The following RBPJL variants were observed in gnomAD, a reference collection of about 807,000 sequenced individuals.
The protein encoded by RBPJL is recombining binding protein suppressor of hairless-like protein.
A neutral mutation model predicts 57.6 loss-of-function variants in RBPJL; 50 were observed. That is an observed-to-expected ratio of 0.87 (90% confidence interval 0.69 to 1.10). The LOEUF (loss-of-function observed/expected upper bound fraction) is 1.10, where lower values mean the gene tolerates loss of function less well. Ranked by LOEUF, RBPJL falls within the 50% of genes least tolerant of loss-of-function variation. The pLI, the probability that RBPJL is intolerant of heterozygous loss-of-function variation, is 0.00. For missense variants in RBPJL, 684 were observed against 693.7 expected (o/e 0.99, Z 0.16); for synonymous variants, 303 against 294.4 (o/e 1.03, Z -0.30).
Position 45,316,280 on chromosome 20 carries a change from A to G in RBPJL, c.1114A>G (p.Ser372Gly). 6.2e-7 allele frequency: 1 copy of G among 1,614,234 alleles called. No individual in the cohort carries two copies. The highest frequency in any genetic ancestry group is 1.1e-5 in the South Asian group (1 of 91,090). The change falls in exon 10 of 12, where the codon AGC becomes GGC. Residue 372 changes from serine to glycine, a missense_variant. Transcript: ENST00000343694. ...IGTESVEFSF[S>G]TSLACTLEPV... The stretch of plus-strand genomic sequence containing the variant: ...CACCGAGTCGGTGGAATTTTCCTTC[A>G]GCACCAGCCTGGCGTGTACCCTGGA...
chr20:45,309,991 C>T (rs1404218312), intron 3 of RBPJL, among the ~76,000 whole-genome samples: 2 of 152,206 alleles, frequency 1.3e-5, no homozygotes, highest in Non-Finnish European at 2.9e-5. Flanking sequence ...GCACCAGGCT[C>T]TGTGGGTACT....
At chr20:45,309,202 C>T (rs1251745492) in intron 2 of RBPJL, among the ~76,000 whole-genome samples, 2 of 152,114 alleles carry the variant, frequency 1.3e-5, no homozygotes, top group Non-Finnish European at 2.9e-5. Context: ...AAATACTCTT[C>T]TCCATCCCAA....
At chr20:45,312,579 A>G (rs1454295333) in intron 6 of RBPJL, among the ~76,000 whole-genome samples, 184 bp downstream of exon 6, 2 of 152,124 alleles carry the variant, frequency 1.3e-5, no homozygotes, top group Non-Finnish European at 2.9e-5. Context: ...GGGGATGAGA[A>G]GAGTTGGAGG....
intron 8 of RBPJL, 64 bp from the exon 9 acceptor site, chr20:45,314,349 G>C: frequency 6.4e-7 from 1 of 1,563,914 alleles, no homozygotes; most frequent in Non-Finnish European, 8.8e-7. Context: ...CAGCCGGCTA[G>C]GAGGGCAGCC....
At chr20:45,313,998 G>T (rs183928374) in intron 7 of RBPJL, 37 bp from the exon 8 acceptor site, 1 of 1,462,428 alleles carries the variant, frequency 6.8e-7, no homozygotes, top group South Asian at 1.1e-5. Flanking sequence ...CTTGGGGGCC[G>T]CTGAAAACCT....
chr20:45,314,245 G>A, intron 8 of RBPJL, 101 bp downstream of exon 8: 1 of 1,261,480 alleles, frequency 7.9e-7, no homozygotes, highest in Non-Finnish European at 1.1e-6. Context: ...AAGGCATGGA[G>A]ACACCTGTTC....
intron 4 of RBPJL, 46 bp downstream of exon 4, chr20:45,311,705 G>A: frequency 6.2e-7 from 1 of 1,604,086 alleles, no homozygotes; most frequent in South Asian, 1.1e-5. Context: ...CTGTAGGGAG[G>A]ACCACGAGAT....
intron 10 of RBPJL, 49 bp from the exon 11 acceptor site, chr20:45,316,428 T>G (rs748831455): frequency 1.3e-6 from 2 of 1,568,712 alleles, no homozygotes; most frequent in Middle Eastern, 1.8e-4. Flanking sequence ...GGCAGCGGGT[T>G]CCCGCCCTAC....
At position 45,309,569 on chromosome 20, in the gene RBPJL, C is replaced by G. The variant is rs756566655; in HGVS notation, c.134C>G (p.Ser45Ter). Residue 45 changes from serine to a stop codon, truncating the protein, a stop_gained and splice_region_variant, in exon 3 of 12, where the codon TCA becomes TGA. Coordinates refer to ENST00000343694, the MANE Select transcript of RBPJL (RefSeq NM_014276.4). LOFTEE classifies it high-confidence loss of function. ...CGACCTGCCTGCCCTACTCCCAGGTCATCCCCAGAGCACACCACCATTCTG... is the reference window on the plus strand; with the variant it reads ...CGACCTGCCTGCCCTACTCCCAGGTGATCCCCAGAGCACACCACCATTCTG... The part of the protein sequence containing the change: ...RRSLPGTWTR[S>*]SPEHTTILRG... The G allele has an allele frequency of 1.2e-6, 2 of 1,606,400 alleles. No individual in the cohort carries two copies. Among genetic ancestry groups the G allele is most frequent in the Non-Finnish European group, 1.7e-6 (2 of 1,176,000 alleles).
At chr20:45,311,249 A>C (rs1272771453) in intron 3 of RBPJL, among the ~76,000 whole-genome samples, 1 of 152,164 alleles carries the variant, frequency 6.6e-6, no homozygotes, top group East Asian at 1.9e-4. Flanking sequence ...AGGAGATAGA[A>C]ACAGAACTTT....
In RBPJL at chr20:45,312,020, T is replaced by TA; in HGVS notation, c.444+66_444+67insA. 2.1e-6 allele frequency: 3 copies of TA among 1,446,082 alleles called. No homozygotes were observed. The Admixed American group carries it at 5.7e-5, about 27-fold the overall frequency. 89.6% of individuals were successfully genotyped at this position (1,446,082 alleles called of 1,614,324 possible). A position where few individuals can be genotyped will look rare whatever the true frequency, so the allele number is the denominator to read the frequency against. ...CCTGCCTCTCCTGGGAAAGGAGGGC[T>TA]CCTTTACTCCCCTCCGAAAGCCAAG... On this transcript the variant is annotated intron_variant, in intron 5 of 11. Transcript: ENST00000343694.
Position 45,311,650 on chromosome 20 carries a change from C to T in RBPJL, c.319C>T (p.Gln107Ter). Residue 107 changes from glutamine (Q) to a stop codon, truncating the protein, a stop_gained, in exon 4 of 12, where the codon CAG (glutamine) becomes TAG (stop). Coordinates refer to ENST00000343694, the MANE Select transcript of RBPJL (RefSeq NM_014276.4). LOFTEE classifies it high-confidence loss of function. ...GCCTGGCTGGAGGGTGAAGCCAGGG[C>T]AGGATCAAGGTGAGGGCGGAATCAA... ...SGPGWRVKPG[Q>*]DQAHQAGETG... 6.2e-7 allele frequency: 1 copy of T among 1,614,104 alleles called. No individual in the cohort carries two copies. The highest frequency in any genetic ancestry group is 8.5e-7 in the Non-Finnish European group (1 of 1,180,012).
At chr20:45,308,945 C>G (rs973273559) in intron 2 of RBPJL, among the ~76,000 whole-genome samples, 3 of 152,130 alleles carry the variant, frequency 2.0e-5, no homozygotes, top group Admixed American at 6.5e-5. Flanking sequence ...GCCCACACAG[C>G]AACAGGCCAC....
intron 3 of RBPJL, 117 bp from the exon 4 acceptor site, chr20:45,311,472 C>A: frequency 3.4e-6 from 3 of 872,536 alleles, no homozygotes; most frequent in Non-Finnish European, 5.5e-6. Flanking sequence ...AAAAGCGTTG[C>A]GGGGAGCGGG....
At chr20:45,309,465 C>A (rs1987025063) in intron 2 of RBPJL, 102 bp from the exon 3 acceptor site, 3 of 1,296,808 alleles carry the variant, frequency 2.3e-6, no homozygotes, top group African/African-American at 3.0e-5. Context: ...CTCACTCTAA[C>A]CCCCTGCTCA....
At position 45,308,411 on chromosome 20, in the gene RBPJL, G is replaced by T. The variant is rs111742158; in HGVS notation, c.131+160G>T. On this transcript the variant is annotated intron_variant, in intron 2 of 11. Transcript: ENST00000343694. ...GGAGGGATCCCCCCTTCCTCCTGAGGGGGGGCAAACCCAGCACCCCCTGCT... is the reference window on the plus strand; with the variant it reads ...GGAGGGATCCCCCCTTCCTCCTGAGTGGGGGCAAACCCAGCACCCCCTGCT... 1,637 of 600,850 alleles carry T rather than the reference G, an allele frequency of 2.7e-3. 19 individuals carry two copies. Among genetic ancestry groups the T allele is most frequent in the African/African-American group, 0.027 (1,443 of 54,142 alleles). The allele number at this position is 600,850 out of a possible 1,614,324, so 37.2% of individuals were successfully genotyped here. A position where few individuals can be genotyped will look rare whatever the true frequency, so the allele number is the denominator to read the frequency against.
intron 9 of RBPJL, chr20:45,315,971 AAAG>A (rs1443429204): frequency 9.9e-6 from 4 of 403,500 alleles, no homozygotes; most frequent in Admixed American, 4.3e-5. Flanking sequence ...AAGAAAGAAG[AAAG>A]AAGAAAGAAG....
rs773242322 is a variant in RBPJL, at chr20:45,311,621, C to T, written c.290C>T (p.Ser97Leu). The T allele has an allele frequency of 1.5e-5, 24 of 1,614,204 alleles. No homozygotes were observed. The highest frequency in any genetic ancestry group is 3.3e-4 in the Middle Eastern group (2 of 6,060). The change falls in exon 4 of 12, where the codon TCG (serine) becomes TTG (leucine). Residue 97 changes from serine to leucine, a missense_variant. Transcript: ENST00000343694. ...FFCPPPCVYL[S>L]GPGWRVKPGQ... ...TGCCCCCCGCCCTGTGTCTACCTCT[C>T]GGGGCCTGGCTGGAGGGTGAAGCCA...
At position 45,311,644 on chromosome 20, in the gene RBPJL, C is replaced by A. The variant is rs1288631973; in HGVS notation, c.313C>A (p.Pro105Thr). The change falls in exon 4 of 12, where the codon CCA becomes ACA. Residue 105 changes from proline (P) to threonine (T), a missense_variant. Transcript: ENST00000343694. ...YLSGPGWRVK[P>T]GQDQAHQAGE... ...CTCGGGGCCTGGCTGGAGGGTGAAG[C>A]CAGGGCAGGATCAAGGTGAGGGCGG... is the stretch of plus-strand genomic sequence containing the variant. 6.2e-7 allele frequency: 1 copy of A among 1,614,010 alleles called. No individual in the cohort carries two copies. Among genetic ancestry groups the A allele is most frequent in the Admixed American group, 1.7e-5 (1 of 59,996 alleles).
Sources: gnomAD v4.1 joint callset for allele counts (sites outside exome capture counted in the v4.1 genomes callset) on GRCh38, gnomAD v4.1.1 for gene constraint, MANE v1.5 for transcripts, NCBI Gene and HGNC (gene_info 2026-07-23, HGNC 2026-07-21) for gene names.